The following ADCYAP1R1 variants were observed in gnomAD, a reference collection of about 807,000 sequenced individuals.
ADCYAP1R1 encodes the protein pituitary adenylate cyclase-activating polypeptide type I receptor.
In ADCYAP1R1, 44 loss-of-function variants were observed where a neutral mutation model predicts 67.6. The observed-to-expected ratio is 0.65, with a 90% CI of 0.51 to 0.84. ADCYAP1R1 has a LOEUF of 0.84. Among genes scored for constraint, ADCYAP1R1 ranks in the 40% least tolerant of loss-of-function variants. The pLI is 0.00. For synonymous variants in ADCYAP1R1, 222 were observed against 219.6 expected (o/e 1.01, Z -0.10); for missense variants, 477 against 587.9 (o/e 0.81, Z 1.95).
At chr7:31,069,086 G>A (rs1461376066) in intron 3 of ADCYAP1R1, among the ~76,000 whole-genome samples, 1 of 152,144 alleles carries the variant, frequency 6.6e-6, no homozygotes, top group African/African-American at 2.4e-5. Context: ...GGTCCATGCA[G>A]ATCTGTGTTA....
chr7:31,081,901 G>T, intron 6 of ADCYAP1R1, 147 bp downstream of exon 6: 1 of 585,628 alleles, frequency 1.7e-6, no homozygotes, highest in Non-Finnish European at 3.0e-6. Context: ...CTCTGATAAA[G>T]GTACAGATTA....
intron 3 of ADCYAP1R1, among the ~76,000 whole-genome samples, chr7:31,069,072 G>T (rs977895547): frequency 5.9e-5 from 9 of 152,106 alleles, no homozygotes; most frequent in Non-Finnish European, 1.2e-4. Flanking sequence ...ATTTGGGTTG[G>T]GGGGGTCCAT....
At chr7:31,058,242 G>C (rs57465146) in intron 1 of ADCYAP1R1, among the ~76,000 whole-genome samples, 47,997 of 152,068 alleles carry the variant, frequency 0.32, 7,828 homozygotes, top group Middle Eastern at 0.35. Context: ...ATGGCTGGAG[G>C]GTCTCTGAGT....
rs564655878 is a variant in ADCYAP1R1 at position 31,100,461 on chromosome 7, C to T, written c.1047-2776C>T. ...GTGCTTCCTGAGGAAGCAGCACCCC[C>T]ATGTTCTCTGCTGCTGCTGCCTGGT... On this transcript the variant is annotated intron_variant, in intron 13 of 15. Transcript: ENST00000304166. Among the ~76,000 whole-genome samples, 13 of 152,250 alleles carry T rather than the reference C, an allele frequency of 8.5e-5. No homozygotes were observed. The East Asian group carries it at 2.1e-3, about 25-fold the overall frequency.
intron 1 of ADCYAP1R1, among the ~76,000 whole-genome samples, chr7:31,055,272 A>G (rs866968017): frequency 2.0e-5 from 3 of 152,184 alleles, no homozygotes; most frequent in African/African-American, 7.2e-5. Flanking sequence ...TTGCCCAAAG[A>G]TCACAAAGGT....
intron 13 of ADCYAP1R1, 121 bp downstream of exon 13, chr7:31,092,856 G>T (rs1796023225): frequency 1.5e-6 from 1 of 689,600 alleles, no homozygotes; most frequent in African/African-American, 1.8e-5. Context: ...AGCATTTGCA[G>T]ATCTTCTTCT....
At chr7:31,072,482 A>C (rs1795031196) in intron 3 of ADCYAP1R1, among the ~76,000 whole-genome samples, 1 of 152,208 alleles carries the variant, frequency 6.6e-6, no homozygotes, top group South Asian at 2.1e-4. Context: ...AAGCCCTGTC[A>C]GCTCTGCTCC....
chr7:31,103,177 G>A (rs904975639), intron 13 of ADCYAP1R1, 60 bp from the exon 14 acceptor site: 25 of 1,590,420 alleles, frequency 1.6e-5, no homozygotes, highest in Middle Eastern at 1.7e-4. Flanking sequence ...TCTGCCCTCC[G>A]TGGCTCTGGC....
chr7:31,082,601 C>T (rs558342710), intron 6 of ADCYAP1R1, among the ~76,000 whole-genome samples: 8 of 152,280 alleles, frequency 5.3e-5, no homozygotes, highest in Admixed American at 1.3e-4. Flanking sequence ...GGAACTTGGC[C>T]ACGGTGGTGA....
intron 15 of ADCYAP1R1, 129 bp downstream of exon 15, chr7:31,105,038 G>C (rs1232480106): frequency 2.1e-6 from 2 of 954,952 alleles, no homozygotes; most frequent in Non-Finnish European, 3.4e-6. Flanking sequence ...CCAGCACTGA[G>C]AGGAGGGGCT....
Position 31,103,374 on chromosome 7 carries a change from T to C in ADCYAP1R1, c.1176+8T>C. 1 of 1,614,136 alleles carries C rather than the reference T, an allele frequency of 6.2e-7. No individual in the cohort carries two copies. The highest frequency in any genetic ancestry group is 8.5e-7 in the Non-Finnish European group (1 of 1,180,006). On this transcript the variant is annotated splice_region_variant and intron_variant, in intron 14 of 15. Transcript: ENST00000304166. ...GGGCTGGGCTCCTTCCAGGTAGGTG[T>C]GGCACATGGGGAGGACAGAACTCAC...
chr7:31,101,080 G>C (rs1796415654), intron 13 of ADCYAP1R1, among the ~76,000 whole-genome samples: 2 of 152,190 alleles, frequency 1.3e-5, no homozygotes, highest in South Asian at 4.1e-4. Context: ...GGGCTCTAGA[G>C]ACTCCTTGTC....
chr7:31,106,510 C>G lies in ADCYAP1R1; in HGVS notation c.1233C>G (p.Ile411Met), dbSNP rs1245939789. The G allele has an allele frequency of 5.6e-6, 9 of 1,609,234 alleles. No individual in the cohort carries two copies. The highest frequency in any genetic ancestry group is 2.7e-5 in the African/African-American group (2 of 74,910). The change falls in exon 16 of 16, where the codon ATC becomes ATG. Residue 411 changes from isoleucine to methionine, a missense_variant. Coordinates refer to ENST00000304166, the MANE Select transcript of ADCYAP1R1 (RefSeq NM_001118.5). ...CFLNGEVQAE[I>M]KRKWRSWKVN... ...GCTCCCTGCAGGTACAAGCGGAGAT[C>G]AAGCGAAAATGGCGAAGCTGGAAGG...
chr7:31,077,524 G>T (rs925473762), intron 3 of ADCYAP1R1, among the ~76,000 whole-genome samples: 4 of 145,770 alleles, frequency 2.7e-5, no homozygotes, highest in Non-Finnish European at 6.0e-5. Flanking sequence ...GTGTGTGTGT[G>T]ATCTGTTTGT....
intron 3 of ADCYAP1R1, among the ~76,000 whole-genome samples, chr7:31,071,518 G>A (rs1025952697): frequency 5.9e-5 from 9 of 152,152 alleles, no homozygotes; most frequent in African/African-American, 2.2e-4. Context: ...AGGACGAAGG[G>A]GAGGACGGGA....
At chr7:31,083,212 G>C (rs945669880) in intron 6 of ADCYAP1R1, among the ~76,000 whole-genome samples, 16 of 152,246 alleles carry the variant, frequency 1.1e-4, no homozygotes, top group African/African-American at 3.6e-4. Flanking sequence ...CCACACTCAG[G>C]TGCTGGGCTG....
intron 6 of ADCYAP1R1, among the ~76,000 whole-genome samples, chr7:31,083,852 G>A (rs1362135900): frequency 2.0e-5 from 3 of 152,182 alleles, no homozygotes; most frequent in Non-Finnish European, 4.4e-5. Flanking sequence ...GGGCCCAGGG[G>A]AGGACTCAGG....
At chr7:31,063,364 C>G (rs868314566) in intron 2 of ADCYAP1R1, 49 bp downstream of exon 2, 1 of 1,605,292 alleles carries the variant, frequency 6.2e-7, no homozygotes, top group Non-Finnish European at 8.5e-7. Flanking sequence ...CACCTGAGTC[C>G]CCGCTCCAGA....
chr7:31,076,922 C>G (rs1341372023), intron 3 of ADCYAP1R1, among the ~76,000 whole-genome samples: 1 of 152,154 alleles, frequency 6.6e-6, no homozygotes, highest in Admixed American at 6.5e-5. Context: ...ATCTCAGCAT[C>G]TCATTCCTAG....
Sources: gnomAD v4.1 joint callset for allele counts (sites outside exome capture counted in the v4.1 genomes callset) on GRCh38, gnomAD v4.1.1 for gene constraint, MANE v1.5 for transcripts, NCBI Gene and HGNC (gene_info 2026-07-23, HGNC 2026-07-21) for gene names.